SULF2: variants seen among roughly 807,000 people sequenced by gnomAD.
SULF2 encodes extracellular sulfatase Sulf-2.
SULF2 carries 52 observed loss-of-function variants against 107.7 expected under a neutral mutation model. The observed-to-expected ratio is 0.48, with a 90% CI of 0.39 to 0.61. SULF2 has a LOEUF of 0.61. Ranked by LOEUF, SULF2 falls within the 20% of genes least tolerant of loss-of-function variation. SULF2 has a pLI of 0.00. For missense variants in SULF2, 993 were observed against 1,177.3 expected, an observed-to-expected ratio of 0.84 and a Z score of 2.29; for synonymous variants, 460 against 464.3, an observed-to-expected ratio of 0.99 and a Z score of 0.12.
chr20:47,747,296 T>C (rs1483926893), intron 2 of SULF2, among the ~76,000 whole-genome samples: 1 of 152,122 alleles, frequency 6.6e-6, no homozygotes, highest in African/African-American at 2.4e-5. Context: ...CCAAAATCAA[T>C]TAGGCAGATG....
chr20:47,733,498 T>A (rs924286861), intron 3 of SULF2, among the ~76,000 whole-genome samples: 1 of 152,130 alleles, frequency 6.6e-6, no homozygotes, highest in Non-Finnish European at 1.5e-5. Flanking sequence ...GAGGGCCGGG[T>A]GCGTTGGCTC....
At chr20:47,734,162 T>TGGAGTC (rs1377224596) in intron 3 of SULF2, among the ~76,000 whole-genome samples, 1 of 152,256 alleles carries the variant, frequency 6.6e-6, no homozygotes, top group East Asian at 1.9e-4. Context: ...TAAGGAGAAA[T>TGGAGTC]GGAGTCGGAG....
chr20:47,705,437 G>A (rs1441958510), intron 3 of SULF2, among the ~76,000 whole-genome samples: 10 of 152,210 alleles, frequency 6.6e-5, no homozygotes, highest in East Asian at 1.9e-4. Context: ...GCGACTGGGC[G>A]TCCCTGGCTA....
intron 11 of SULF2, among the ~76,000 whole-genome samples, chr20:47,668,212 C>T (rs1032908943): frequency 1.1e-4 from 17 of 152,352 alleles, no homozygotes; most frequent in African/African-American, 3.6e-4. Context: ...CTCCATCTCC[C>T]AGCTCTAGAT....
intron 5 of SULF2, among the ~76,000 whole-genome samples, chr20:47,686,634 G>C (rs2088013260): frequency 6.6e-6 from 1 of 152,234 alleles, no homozygotes; most frequent in African/African-American, 2.4e-5. Context: ...GCACAGACAT[G>C]TCTCCCTCTG....
intron 2 of SULF2, among the ~76,000 whole-genome samples, chr20:47,742,357 T>A (rs2089905009): frequency 6.6e-6 from 1 of 152,196 alleles, no homozygotes; most frequent in Non-Finnish European, 1.5e-5. Flanking sequence ...ACTTCTTTCG[T>A]CCAACATAAA....
rs373180984 is a variant in SULF2, at chr20:47,736,915, C to A, written c.203G>T (p.Arg68Leu). Residue 68 changes from arginine (R) to leucine (L), a missense_variant, in exon 3 of 21, where the codon CGG becomes CTG. Coordinates refer to ENST00000688720, the MANE Select transcript of SULF2 (RefSeq NM_001387048.1). ...CGCCCCGCCCTGCTCCATGATGCGC[C>A]GGGTCTTGTTCATCACCTGCATGGA... ...LGSMQVMNKT[R>L]RIMEQGGAHF... 4 of 1,614,090 alleles carry A rather than the reference C, an allele frequency of 2.5e-6. No individual in the cohort carries two copies. Among genetic ancestry groups the A allele is most frequent in the Non-Finnish European group, 3.4e-6 (4 of 1,180,026 alleles).
chr20:47,691,404 A>G (rs2088192498), intron 4 of SULF2, among the ~76,000 whole-genome samples: 1 of 152,190 alleles, frequency 6.6e-6, no homozygotes, highest in South Asian at 2.1e-4. Context: ...TGGGCATAGG[A>G]AGATATGTAT....
chr20:47,708,400 A>G (rs1159654707), intron 3 of SULF2, among the ~76,000 whole-genome samples: 2 of 152,046 alleles, frequency 1.3e-5, no homozygotes, highest in Non-Finnish European at 2.9e-5. Flanking sequence ...CATCACGGGG[A>G]AGAGGGGACA....
chr20:47,679,866 G>A (rs2087767091), intron 7 of SULF2, among the ~76,000 whole-genome samples: 1 of 152,092 alleles, frequency 6.6e-6, no homozygotes, highest in African/African-American at 2.4e-5. Flanking sequence ...ATTCGGAACT[G>A]CGCCCCCTCC....
Position 47,661,873 on chromosome 20 carries a change from C to G in SULF2, c.2394G>C (p.Leu798=). The part of the protein sequence containing the change: ...PYQLMNAVNT[L]DRDVLNQLHV... ...GTAGCTGGTTGAGGACATCCCTGTC[C>G]AGTGTGTTCACTGCATTCATCAGCT... The change falls in exon 18 of 21, where the codon CTG becomes CTC. Residue 798 remains leucine, a synonymous_variant. Transcript: ENST00000688720. 1 of 1,583,778 alleles carries G rather than the reference C, an allele frequency of 6.3e-7. No homozygotes were observed. The highest frequency in any genetic ancestry group is 8.6e-7 in the Non-Finnish European group (1 of 1,159,650).
intron 3 of SULF2, among the ~76,000 whole-genome samples, chr20:47,725,809 A>G (rs4284890): frequency 0.89 from 135,535 of 152,224 alleles, 60,645 homozygotes; most frequent in Middle Eastern, 0.96. Context: ...CACAGGGATG[A>G]CAGAGGAAGC....
chr20:47,692,305 C>T (rs1053219526), intron 4 of SULF2, among the ~76,000 whole-genome samples: 4 of 152,164 alleles, frequency 2.6e-5, no homozygotes, highest in Admixed American at 6.5e-5. Context: ...CACTCATCCA[C>T]TATATCCATA....
chr20:47,759,893 C>T (rs1433463871), intron 1 of SULF2, among the ~76,000 whole-genome samples: 1 of 152,220 alleles, frequency 6.6e-6, no homozygotes, highest in Non-Finnish European at 1.5e-5. Flanking sequence ...TATTTATTGT[C>T]CAATTCTTCC....
intron 3 of SULF2, among the ~76,000 whole-genome samples, chr20:47,719,143 C>A (rs1349182426): frequency 3.9e-5 from 6 of 152,182 alleles, no homozygotes; most frequent in Non-Finnish European, 8.8e-5. Flanking sequence ...ATCATTTGAG[C>A]CAGCGCTACT....
In SULF2 at chr20:47,661,714, G is replaced by T. The variant is rs1162579305; in HGVS notation, c.2494+59C>A. 9 of 1,409,028 alleles carry T rather than the reference G, an allele frequency of 6.4e-6. No homozygotes were observed. In the African/African-American group the frequency reaches 1.0e-4, roughly 16 times the overall value. The allele number at this position is 1,409,028 out of a possible 1,614,324, so 87.3% of individuals were successfully genotyped here. ...ATTCTTGGGGTAGACACCACCTCCTGAGTCCCTTCCTTTGGTTACCCTGCT... is the reference window on the plus strand; with the variant it reads ...ATTCTTGGGGTAGACACCACCTCCTTAGTCCCTTCCTTTGGTTACCCTGCT... On this transcript the variant is annotated intron_variant, in intron 18 of 20. Coordinates refer to ENST00000688720, the MANE Select transcript of SULF2 (RefSeq NM_001387048.1).
chr20:47,751,161 G>T (rs546563946), intron 2 of SULF2, among the ~76,000 whole-genome samples: 1 of 152,214 alleles, frequency 6.6e-6, no homozygotes, highest in East Asian at 1.9e-4. Flanking sequence ...AACACCTGCC[G>T]AATGAATAAG....
chr20:47,690,758 A>G (rs1325552220), intron 4 of SULF2, among the ~76,000 whole-genome samples: 4 of 151,804 alleles, frequency 2.6e-5, no homozygotes, highest in African/African-American at 9.7e-5. Context: ...TAGCCCAGCT[A>G]CTCAGAAGGC....
At chr20:47,707,180 G>A (rs934224004) in intron 3 of SULF2, among the ~76,000 whole-genome samples, 1 of 151,898 alleles carries the variant, frequency 6.6e-6, no homozygotes. Flanking sequence ...GTAGAGATAG[G>A]GTTTCACCAT....
Sources: gnomAD v4.1 joint callset for allele counts (sites outside exome capture counted in the v4.1 genomes callset) on GRCh38, gnomAD v4.1.1 for gene constraint, MANE v1.5 for transcripts, NCBI Gene and HGNC (gene_info 2026-07-23, HGNC 2026-07-21) for gene names.